The following SVOP variants were observed in gnomAD, a reference collection of about 807,000 sequenced individuals.
SVOP encodes synaptic vesicle 2-related protein.
A neutral mutation model predicts 69.1 loss-of-function variants in SVOP; 17 were observed. The ratio of observed to expected loss-of-function variants is 0.25; its 90% CI spans 0.17 to 0.37. The LOEUF is 0.37. Ranked by LOEUF, SVOP falls within the 10% of genes least tolerant of loss-of-function variation. SVOP has a pLI of 1.00. For missense variants in SVOP, 435 were observed against 597.5 expected, an observed-to-expected ratio of 0.73 and a Z score of 2.84; for synonymous variants, 238 against 238.6, an observed-to-expected ratio of 1.00 and a Z score of 0.02.
At position 108,908,068 on chromosome 12, in the gene SVOP, T is replaced by C. The variant is rs1256917961; in HGVS notation, c.*4467A>G. On this transcript the variant is annotated 3_prime_UTR_variant, in exon 16 of 16. Transcript: ENST00000610966. ...GGCCAATCAGCTTCATTCCTGAAGA[T>C]CTGGGAGTGGGGCACTGAGCAGCTG... 1 of 152,252 alleles carries C rather than the reference T, an allele frequency of 6.6e-6. No individual in the cohort carries two copies. Among genetic ancestry groups the C allele is most frequent in the African/African-American group, 2.4e-5 (1 of 41,404 alleles). The allele number at this position is 152,252 out of a possible 1,614,324, so 9.4% of individuals were successfully genotyped here. A position where few individuals can be genotyped will look rare whatever the true frequency, so the allele number is the denominator to read the frequency against.
chr12:108,913,619 G>A (rs945357475), intron 15 of SVOP, among the ~76,000 whole-genome samples: 1 of 152,054 alleles, frequency 6.6e-6, no homozygotes, highest in Non-Finnish European at 1.5e-5. Context: ...CTAGCTTTTG[G>A]CACATGGCAA....
chr12:108,964,336 G>T (rs561130019), intron 5 of SVOP, among the ~76,000 whole-genome samples: 1 of 151,836 alleles, frequency 6.6e-6, no homozygotes, highest in Non-Finnish European at 1.5e-5. Context: ...CTGTAACATC[G>T]GTACTGGCCA....
intron 11 of SVOP, among the ~76,000 whole-genome samples, chr12:108,932,259 C>T (rs2039825156): frequency 6.6e-6 from 1 of 152,050 alleles, no homozygotes; most frequent in African/African-American, 2.4e-5. Flanking sequence ...TCAAGTGATC[C>T]TCCTGCCTCT....
chr12:108,934,711 G>A (rs773189756), intron 10 of SVOP, among the ~76,000 whole-genome samples: 1 of 152,168 alleles, frequency 6.6e-6, no homozygotes, highest in Non-Finnish European at 1.5e-5. Flanking sequence ...CCAAGATGGC[G>A]ATGAGAGTGA....
At chr12:109,002,926 T>C (rs2040281501) in intron 1 of SVOP, among the ~76,000 whole-genome samples, 1 of 150,620 alleles carries the variant, frequency 6.6e-6, no homozygotes, top group Non-Finnish European at 1.5e-5. Flanking sequence ...ACCTGCACAA[T>C]GTGCACATGT....
intron 5 of SVOP, among the ~76,000 whole-genome samples, chr12:108,964,519 C>T (rs1435514825): frequency 6.6e-6 from 1 of 151,654 alleles, no homozygotes; most frequent in Non-Finnish European, 1.5e-5. Flanking sequence ...TGCTGGGAGC[C>T]GTATTATCTG....
intron 1 of SVOP, among the ~76,000 whole-genome samples, chr12:108,994,323 G>A (rs759407284): frequency 2.6e-5 from 4 of 152,022 alleles, no homozygotes; most frequent in African/African-American, 4.8e-5. Flanking sequence ...GTGAAACCCC[G>A]TCTTTACTAA....
At chr12:108,948,060 C>T (rs1270923422) in intron 6 of SVOP, among the ~76,000 whole-genome samples, 2 of 152,056 alleles carry the variant, frequency 1.3e-5, no homozygotes, top group African/African-American at 2.4e-5. Flanking sequence ...TGCCCATCTC[C>T]CCAGGGCAGG....
chr12:108,935,202 C>T (rs969393051), intron 10 of SVOP, among the ~76,000 whole-genome samples: 1 of 152,276 alleles, frequency 6.6e-6, no homozygotes, highest in Non-Finnish European at 1.5e-5. Context: ...ATGTGATTTT[C>T]GAATTTCAGA....
intron 1 of SVOP, among the ~76,000 whole-genome samples, chr12:109,004,877 A>C (rs1312555110): frequency 2.0e-5 from 3 of 151,884 alleles, no homozygotes; most frequent in African/African-American, 7.3e-5. Context: ...AGCTGGGATT[A>C]CAGGTATCCA....
chr12:108,972,502 T>C, intron 4 of SVOP, 26 bp from the exon 5 acceptor site: 1 of 1,535,836 alleles, frequency 6.5e-7, no homozygotes, highest in Non-Finnish European at 8.7e-7. Context: ...CAGTTGTCAT[T>C]AGACAGAGGA....
At chr12:108,938,457 A>G (rs1020274590) in intron 9 of SVOP, among the ~76,000 whole-genome samples, 2 of 152,148 alleles carry the variant, frequency 1.3e-5, no homozygotes, top group African/African-American at 4.8e-5. Flanking sequence ...CCTTCCTGAT[A>G]TGGTTTTATT....
At chr12:108,975,637 T>C (rs1271261592) in intron 4 of SVOP, among the ~76,000 whole-genome samples, 2 of 152,216 alleles carry the variant, frequency 1.3e-5, no homozygotes, top group Non-Finnish European at 2.9e-5. Flanking sequence ...ATTATGGTTG[T>C]TATCATCCAA....
At chr12:108,921,105 A>C (rs1258543315) in intron 12 of SVOP, among the ~76,000 whole-genome samples, 2 of 152,210 alleles carry the variant, frequency 1.3e-5, no homozygotes, top group Non-Finnish European at 2.9e-5. Flanking sequence ...TGGGTTTCAG[A>C]GAGGTAAAAT....
At chr12:109,006,438 A>G (rs1179068811) in intron 1 of SVOP, among the ~76,000 whole-genome samples, 1 of 152,136 alleles carries the variant, frequency 6.6e-6, no homozygotes, top group African/African-American at 2.4e-5. Flanking sequence ...TTGACAAGAT[A>G]TACTCTGTCA....
intron 1 of SVOP, among the ~76,000 whole-genome samples, chr12:108,989,828 C>T (rs2040189289): frequency 6.6e-6 from 1 of 152,238 alleles, no homozygotes; most frequent in African/African-American, 2.4e-5. Flanking sequence ...GGATTCATCA[C>T]TGAATTCCCC....
intron 3 of SVOP, 74 bp downstream of exon 3, chr12:108,978,504 T>C: frequency 1.5e-6 from 1 of 682,242 alleles, no homozygotes; most frequent in South Asian, 1.6e-5. Flanking sequence ...TCCTTCCTTG[T>C]AGGCCATGGA....
At chr12:108,922,861 C>T (rs1428224607) in intron 11 of SVOP, 64 bp from the exon 12 acceptor site, 4 of 1,069,892 alleles carry the variant, frequency 3.7e-6, no homozygotes, top group African/African-American at 1.6e-5. Context: ...CACCTTCCTG[C>T]TCCCCATACC....
chr12:108,991,449 G>A (rs1347220804), intron 1 of SVOP, among the ~76,000 whole-genome samples: 1 of 5,020 alleles, frequency 2.0e-4, no homozygotes, highest in African/African-American at 3.6e-4. Flanking sequence ...TTGCTTGTTT[G>A]TTTGTTTGTT....
Sources: gnomAD v4.1 joint callset for allele counts (sites outside exome capture counted in the v4.1 genomes callset) on GRCh38, gnomAD v4.1.1 for gene constraint, MANE v1.5 for transcripts, NCBI Gene and HGNC (gene_info 2026-07-23, HGNC 2026-07-21) for gene names.